Variants in BNC2 observed in about 807,000 individuals in gnomAD.
BNC2 encodes zinc finger protein basonuclin-2.
Under a neutral mutation model 76.3 loss-of-function variants are expected in BNC2, and 20 were observed. The ratio of observed to expected loss-of-function variants is 0.26; its 90% CI spans 0.18 to 0.38. The LOEUF (loss-of-function observed/expected upper bound fraction) is 0.38, where lower values mean the gene tolerates loss of function less well. Among genes scored for constraint, BNC2 ranks in the 10% least tolerant of loss-of-function variants. BNC2 has a pLI of 1.00. For synonymous variants in BNC2, 582 were observed against 514.8 expected, an observed-to-expected ratio of 1.13 and a Z score of -1.77; for missense variants, 1,382 against 1,399.8, an observed-to-expected ratio of 0.99 and a Z score of 0.20.
intron 5 of BNC2, among the ~76,000 whole-genome samples, chr9:16,489,095 T>C (rs1262170637): frequency 1.3e-5 from 2 of 152,140 alleles, no homozygotes; most frequent in African/African-American, 4.8e-5. Flanking sequence ...GTAACAATTA[T>C]AAAAAAGTAA....
At chr9:16,456,530 CAAAAAAA>C (rs35557788) in intron 5 of BNC2, among the ~76,000 whole-genome samples, 1 of 107,236 alleles carries the variant, frequency 9.3e-6, no homozygotes, top group Admixed American at 9.6e-5. Context: ...GACTCCGTCT[CAAAAAAA>C]AAAAAAAAAA....
chr9:16,817,331 T>G (rs922583578), intron 1 of BNC2, among the ~76,000 whole-genome samples: 19 of 152,288 alleles, frequency 1.2e-4, no homozygotes, highest in African/African-American at 4.6e-4. Context: ...AGGCTGCCAT[T>G]TGAGGACAAC....
intron 5 of BNC2, among the ~76,000 whole-genome samples, chr9:16,491,217 G>C (rs1448323155): frequency 6.6e-6 from 1 of 152,076 alleles, no homozygotes; most frequent in Non-Finnish European, 1.5e-5. Flanking sequence ...TGAATGGAGA[G>C]TGAACTGCTG....
intron 5 of BNC2, among the ~76,000 whole-genome samples, chr9:16,522,343 A>T (rs1817645267): frequency 1.3e-5 from 2 of 152,214 alleles, no homozygotes; most frequent in South Asian, 4.1e-4. Context: ...TCCTCCTAGC[A>T]TGCCCGATTG....
intron 3 of BNC2, among the ~76,000 whole-genome samples, chr9:16,622,661 G>A (rs528008099): frequency 1.3e-5 from 2 of 152,228 alleles, no homozygotes; most frequent in South Asian, 2.1e-4. Context: ...TGCACAGATT[G>A]CATCAGTTAT....
chr9:16,591,504 T>C (rs1415475), intron 3 of BNC2, among the ~76,000 whole-genome samples: 15,504 of 152,172 alleles, frequency 0.1, 1,123 homozygotes, highest in African/African-American at 0.2. Context: ...TTAATATAAA[T>C]CTATAGTTTT....
At chr9:16,641,434 T>C (rs1821488966) in intron 3 of BNC2, among the ~76,000 whole-genome samples, 1 of 152,214 alleles carries the variant, frequency 6.6e-6, no homozygotes, top group African/African-American at 2.4e-5. Flanking sequence ...GCTGAGGCAC[T>C]TTCTCAGATA....
At chr9:16,521,137 T>C (rs917974169) in intron 5 of BNC2, among the ~76,000 whole-genome samples, 8 of 152,170 alleles carry the variant, frequency 5.3e-5, no homozygotes, top group African/African-American at 1.9e-4. Flanking sequence ...AGATAAAGAA[T>C]GGCTAGCCTG....
intron 1 of BNC2, among the ~76,000 whole-genome samples, chr9:16,831,285 A>G (rs1818571819): frequency 6.6e-6 from 1 of 152,248 alleles, no homozygotes; most frequent in Non-Finnish European, 1.5e-5. Context: ...ATCAATGTGC[A>G]CATTTGCACA....
In BNC2 at chr9:16,612,835, G is replaced by C. The variant is rs114840874; in HGVS notation, c.331-29750C>G. On this transcript the variant is annotated intron_variant, in intron 3 of 6. Coordinates refer to ENST00000380672, the MANE Select transcript of BNC2 (RefSeq NM_017637.6). ...TTGGAAGATGGATAGGCTTTCAAGA[G>C]GCACTGGACTCAAAGGTCCTCAAGG... 7.9e-3 allele frequency among the ~76,000 whole-genome samples: 1,203 copies of C among 152,290 alleles called. 16 individuals carry two copies. The highest frequency in any genetic ancestry group is 0.027 in the African/African-American group (1,135 of 41,574).
intron 1 of BNC2, among the ~76,000 whole-genome samples, chr9:16,783,434 A>C (rs755103866): frequency 6.6e-6 from 1 of 152,230 alleles, no homozygotes; most frequent in Non-Finnish European, 1.5e-5. Context: ...TGCTGAAGAG[A>C]TAAATTATGC....
chr9:16,829,659 G>A (rs929831968), intron 1 of BNC2, among the ~76,000 whole-genome samples: 8 of 151,984 alleles, frequency 5.3e-5, no homozygotes, highest in Non-Finnish European at 1.2e-4. Context: ...CAAACAAAAC[G>A]GCAATTCTAC....
intron 1 of BNC2, among the ~76,000 whole-genome samples, chr9:16,777,570 G>A (rs1028383432): frequency 6.6e-6 from 1 of 151,790 alleles, no homozygotes; most frequent in East Asian, 1.9e-4. Context: ...GCATGGTGGC[G>A]GGTGCCTGTA....
intron 4 of BNC2, among the ~76,000 whole-genome samples, chr9:16,559,639 T>C (rs1047976646): frequency 6.6e-6 from 1 of 152,200 alleles, no homozygotes; most frequent in African/African-American, 2.4e-5. Flanking sequence ...TGCCCATCAC[T>C]CTGCTGAAGC....
chr9:16,743,278 T>C (rs1438091842), intron 1 of BNC2, among the ~76,000 whole-genome samples: 3 of 152,180 alleles, frequency 2.0e-5, no homozygotes, highest in Non-Finnish European at 2.9e-5. Flanking sequence ...ATTTCGAATT[T>C]ATTAATCTAA....
intron 3 of BNC2, among the ~76,000 whole-genome samples, chr9:16,718,197 A>C (rs890862925): frequency 1.3e-5 from 2 of 152,218 alleles, no homozygotes; most frequent in African/African-American, 4.8e-5. Flanking sequence ...ACAGGCAGGC[A>C]GGGTTCATTA....
At chr9:16,703,346 A>G (rs940978096) in intron 3 of BNC2, among the ~76,000 whole-genome samples, 1 of 152,174 alleles carries the variant, frequency 6.6e-6, no homozygotes, top group African/African-American at 2.4e-5. Context: ...TAAAAGAAAT[A>G]AAAATCCAGC....
At chr9:16,561,186 C>T (rs1464852741) in intron 4 of BNC2, among the ~76,000 whole-genome samples, 1 of 151,802 alleles carries the variant, frequency 6.6e-6, no homozygotes, top group African/African-American at 2.4e-5. Context: ...TGGCAGTGAG[C>T]CAAGACTGCC....
chr9:16,526,821 C>T (rs1258069045), intron 5 of BNC2, among the ~76,000 whole-genome samples: 2 of 152,104 alleles, frequency 1.3e-5, no homozygotes, highest in Non-Finnish European at 2.9e-5. Context: ...TAGCAAACAA[C>T]ACTATGTACC....
Sources: gnomAD v4.1 joint callset for allele counts (sites outside exome capture counted in the v4.1 genomes callset) on GRCh38, gnomAD v4.1.1 for gene constraint, MANE v1.5 for transcripts, NCBI Gene and HGNC (gene_info 2026-07-23, HGNC 2026-07-21) for gene names.